The following CNBD1 variants were observed in gnomAD, a reference collection of about 807,000 sequenced individuals.
CNBD1 encodes the protein cyclic nucleotide-binding domain-containing protein 1.
Under a neutral mutation model 54.4 loss-of-function variants are expected in CNBD1, and 71 were observed. That is an observed-to-expected ratio of 1.30 (90% CI 1.08 to 1.59). The LOEUF (loss-of-function observed/expected upper bound fraction) is 1.59, where lower values mean the gene tolerates loss of function less well. Ranked by LOEUF, CNBD1 falls within the 40% of genes most tolerant of loss-of-function variation. CNBD1 has a pLI of 0.00. For synonymous variants in CNBD1, 182 were observed against 170.7 expected (o/e 1.07, Z -0.51); for missense variants, 659 against 518.0 (o/e 1.27, Z -2.64).
chr8:87,381,777 A>G (rs111525482), intron 10 of CNBD1, among the ~76,000 whole-genome samples: 2,870 of 152,072 alleles, frequency 0.019, 92 homozygotes, highest in African/African-American at 0.062. Flanking sequence ...CTGACCACTC[A>G]TACGAGGTAT....
At chr8:87,280,727 T>C in intron 6 of CNBD1, among the ~76,000 whole-genome samples, 1 of 151,696 alleles carries the variant, frequency 6.6e-6, no homozygotes, top group Non-Finnish European at 1.5e-5. Context: ...ATTATGACTT[T>C]ATTCAAAAGA....
At chr8:87,168,399 C>T (rs1813010867) in intron 4 of CNBD1, among the ~76,000 whole-genome samples, 1 of 151,976 alleles carries the variant, frequency 6.6e-6, no homozygotes, top group Non-Finnish European at 1.5e-5. Flanking sequence ...GTATCCATCA[C>T]CTCAAGCATT....
At chr8:87,264,795 C>T (rs988448992) in intron 6 of CNBD1, among the ~76,000 whole-genome samples, 16 of 152,086 alleles carry the variant, frequency 1.1e-4, no homozygotes, top group African/African-American at 3.4e-4. Context: ...GCATAAATGT[C>T]TTCTTTTGAG....
intron 4 of CNBD1, among the ~76,000 whole-genome samples, chr8:87,161,268 T>C (rs1479043682): frequency 6.6e-6 from 1 of 152,100 alleles, no homozygotes; most frequent in Non-Finnish European, 1.5e-5. Flanking sequence ...GTTTACCCTT[T>C]ATGCATATAA....
At chr8:86,987,558 G>A (rs1758014305) in intron 4 of CNBD1, among the ~76,000 whole-genome samples, 1 of 152,128 alleles carries the variant, frequency 6.6e-6, no homozygotes, top group African/African-American at 2.4e-5. Context: ...AGTGGTGAGA[G>A]TGGGCTTCCT....
At chr8:87,292,805 A>G (rs925300655) in intron 8 of CNBD1, among the ~76,000 whole-genome samples, 5 of 152,170 alleles carry the variant, frequency 3.3e-5, no homozygotes, top group African/African-American at 1.2e-4. Context: ...AACCATGGTG[A>G]TGAGCATGGT....
intron 8 of CNBD1, among the ~76,000 whole-genome samples, chr8:87,324,661 A>AT (rs1809629121): frequency 1.3e-5 from 2 of 151,526 alleles, no homozygotes; most frequent in South Asian, 2.1e-4. Context: ...CCACTTTATC[A>AT]TTTTTTATTG....
chr8:87,303,559 T>A (rs1457882832), intron 8 of CNBD1, among the ~76,000 whole-genome samples: 1 of 152,126 alleles, frequency 6.6e-6, no homozygotes, highest in Non-Finnish European at 1.5e-5. Context: ...GGCAATACCA[T>A]TCAGGACATA....
chr8:86,966,921 G>C (rs942784453), intron 4 of CNBD1, among the ~76,000 whole-genome samples: 1 of 152,130 alleles, frequency 6.6e-6, no homozygotes, highest in Non-Finnish European at 1.5e-5. Flanking sequence ...TTGCTGATTG[G>C]TCCATCTTAC....
chr8:87,134,593 CCTT>C (rs1812187404), intron 4 of CNBD1, among the ~76,000 whole-genome samples: 1 of 134,038 alleles, frequency 7.5e-6, no homozygotes, highest in Admixed American at 7.4e-5. Context: ...AATTAGATTA[CCTT>C]TTTTTTTTTT....
intron 1 of CNBD1, among the ~76,000 whole-genome samples, chr8:86,880,344 A>AC (rs1208992472): frequency 6.6e-6 from 1 of 151,936 alleles, no homozygotes; most frequent in Admixed American, 6.6e-5. Context: ...AAAAAATAAA[A>AC]AAAAACGTAA....
chr8:87,037,064 A>G (rs76059938), intron 4 of CNBD1, among the ~76,000 whole-genome samples: 8,679 of 151,734 alleles, frequency 0.057, 271 homozygotes, highest in Middle Eastern at 0.078. Flanking sequence ...GACCTCGAAT[A>G]TAAAAATATG....
intron 5 of CNBD1, among the ~76,000 whole-genome samples, chr8:87,215,673 T>C (rs1372544912): frequency 6.6e-6 from 1 of 152,132 alleles, no homozygotes; most frequent in African/African-American, 2.4e-5. Context: ...TATCTTTACA[T>C]ATAGTAAAAT....
At chr8:87,403,372 A>G (rs1807600370) in intron 2 of CNBD1, among the ~76,000 whole-genome samples, 1 of 152,016 alleles carries the variant, frequency 6.6e-6, no homozygotes. Context: ...GATAGACCGA[A>G]AATGGAATAT....
chr8:87,045,617 C>G (rs1810165730), intron 4 of CNBD1, among the ~76,000 whole-genome samples: 1 of 147,670 alleles, frequency 6.8e-6, no homozygotes, highest in African/African-American at 2.5e-5. Context: ...CCCAGTTACT[C>G]GGGAGGCTGA....
intron 3 of CNBD1, among the ~76,000 whole-genome samples, chr8:86,918,922 A>G (rs772003270): frequency 2.6e-5 from 4 of 151,776 alleles, no homozygotes; most frequent in Non-Finnish European, 5.9e-5. Flanking sequence ...TGAGTCTCCA[A>G]TGACTATTAT....
intron 8 of CNBD1, among the ~76,000 whole-genome samples, chr8:87,327,853 GT>G (rs1456467771): frequency 6.6e-6 from 1 of 152,016 alleles, no homozygotes; most frequent in Non-Finnish European, 1.5e-5. Flanking sequence ...TCTTCTAGGA[GT>G]TTTACAGTTT....
chr8:87,344,231 A>T (rs1265362060), intron 8 of CNBD1, among the ~76,000 whole-genome samples: 1 of 152,098 alleles, frequency 6.6e-6, no homozygotes, highest in African/African-American at 2.4e-5. Context: ...TAGGAAGAAA[A>T]TATGGGTAAG....
intron 4 of CNBD1, among the ~76,000 whole-genome samples, chr8:86,996,198 A>C (rs1006896250): frequency 6.6e-6 from 1 of 152,070 alleles, no homozygotes; most frequent in African/African-American, 2.4e-5. Flanking sequence ...CCCACCCTGG[A>C]TCTCTTCCGT....
Sources: allele counts gnomAD v4.1 joint callset (sites outside exome capture counted in the v4.1 genomes callset), GRCh38; gene constraint gnomAD v4.1.1; transcripts MANE v1.5; gene names NCBI Gene and HGNC (gene_info 2026-07-23, HGNC 2026-07-21).